Variants in TSPAN33 observed in about 807,000 individuals in gnomAD.
TSPAN33 encodes tetraspanin-33.
In TSPAN33, 27 loss-of-function variants were observed where a neutral mutation model predicts 34.8. The ratio of observed to expected loss-of-function variants is 0.78; its 90% CI spans 0.57 to 1.07. The LOEUF (loss-of-function observed/expected upper bound fraction) is 1.07. Among genes scored for constraint, TSPAN33 ranks in the 50% least tolerant of loss-of-function variants. TSPAN33 has a pLI of 0.00. For synonymous variants in TSPAN33, 119 were observed against 124.2 expected, an observed-to-expected ratio of 0.96 and a Z score of 0.28; for missense variants, 272 against 324.9, an observed-to-expected ratio of 0.84 and a Z score of 1.25.
At chr7:129,160,402 A>G (rs954936695) in intron 1 of TSPAN33, among the ~76,000 whole-genome samples, 5 of 152,138 alleles carry the variant, frequency 3.3e-5, no homozygotes, top group Non-Finnish European at 7.3e-5. Flanking sequence ...TTGCCATGGC[A>G]ACAGCCAGCT....
chr7:129,149,280 G>A (rs907511711), intron 1 of TSPAN33, among the ~76,000 whole-genome samples: 1 of 152,182 alleles, frequency 6.6e-6, no homozygotes, highest in Non-Finnish European at 1.5e-5. Flanking sequence ...AAAGAAGGCT[G>A]GGCGCGGTGG....
In TSPAN33 at chr7:129,162,487, G is replaced by C. The variant is rs1793068516; in HGVS notation, c.254G>C (p.Gly85Ala). ...CTGCTCACCTTCTGTGGCTGCATTG[G>C]GTCCCTCCGCGAGAACATCTGCCTC... ...MFLLTFCGCI[G>A]SLRENICLLQ... Residue 85 changes from glycine to alanine, a missense_variant, in exon 3 of 8, where the codon GGG becomes GCG. Coordinates refer to ENST00000486685, the MANE Select transcript of TSPAN33 (RefSeq NM_178562.5). The C allele has an allele frequency of 1.5e-5, 25 of 1,613,766 alleles. No homozygotes were observed. The highest frequency in any genetic ancestry group is 2.1e-5 in the Non-Finnish European group (25 of 1,180,038).
chr7:129,155,817 G>A (rs1028942723), intron 1 of TSPAN33, among the ~76,000 whole-genome samples: 3 of 151,974 alleles, frequency 2.0e-5, no homozygotes, highest in African/African-American at 7.3e-5. Flanking sequence ...AACCTCCTGG[G>A]GTCAAGCGAT....
At position 129,165,260 on chromosome 7, in the gene TSPAN33, AAAC is replaced by A. The variant is rs1563139217; in HGVS notation, c.459+693_459+695del. Among the ~76,000 whole-genome samples the A allele has an allele frequency of 1.3e-5, 2 of 152,206 alleles. No individual in the cohort carries two copies. Among genetic ancestry groups the A allele is most frequent in the Admixed American group, 1.3e-4 (2 of 15,280 alleles). On this transcript the variant is annotated intron_variant, in intron 5 of 7. Coordinates refer to ENST00000486685, the MANE Select transcript of TSPAN33 (RefSeq NM_178562.5). The surrounding 1 kb of genome is among the most constrained non-coding windows in gnomAD (Gnocchi z 4.5). Reference sequence around the variant, plus strand: ...CCTCTCTTGAAACTTTGTATCCATTAAACACTAACTCCCCATTTTCCTCTCCTG... The same window carrying A: ...CCTCTCTTGAAACTTTGTATCCATTAACTAACTCCCCATTTTCCTCTCCTG...
rs887154440 is a variant in TSPAN33 at position 129,166,787 on chromosome 7, T to C, written c.469T>C (p.Cys157Arg). 9 of 1,614,144 alleles carry C rather than the reference T, an allele frequency of 5.6e-6. No individual in the cohort carries two copies. Among genetic ancestry groups the C allele is most frequent in the Admixed American group, 5.0e-5 (3 of 60,018 alleles). The change falls in exon 6 of 8, where the codon TGT becomes CGT. Residue 157 changes from cysteine (C) to arginine (R), a missense_variant. Coordinates refer to ENST00000486685, the MANE Select transcript of TSPAN33 (RefSeq NM_178562.5). ...IDFGQKKFSC[C>R]GGISYKDWSQ... ...GTGGGTTTTGTTGCAGTTTAGCTGCTGTGGAGGGATTTCCTACAAGGACTG... is the reference window on the plus strand; with the variant it reads ...GTGGGTTTTGTTGCAGTTTAGCTGCCGTGGAGGGATTTCCTACAAGGACTG...
At chr7:129,149,433 C>A (rs891762942) in intron 1 of TSPAN33, among the ~76,000 whole-genome samples, 4 of 152,122 alleles carry the variant, frequency 2.6e-5, no homozygotes, top group African/African-American at 7.2e-5. Context: ...TGGTGCACAC[C>A]TGTATTCCCA....
intron 1 of TSPAN33, among the ~76,000 whole-genome samples, chr7:129,158,814 G>A (rs557270992): frequency 5.3e-5 from 8 of 152,268 alleles, no homozygotes; most frequent in Admixed American, 4.6e-4. Flanking sequence ...GCAGTGGCAC[G>A]TTCTCAGCTC....
rs559053797 is a variant in TSPAN33, at chr7:129,144,956, C to A, written c.-25C>A. 7 of 585,814 alleles carry A rather than the reference C, an allele frequency of 1.2e-5. No homozygotes were observed. Among genetic ancestry groups the A allele is most frequent in the Non-Finnish European group, 2.1e-5 (7 of 325,614 alleles). 36.3% of individuals were successfully genotyped at this position (585,814 alleles called of 1,614,324 possible). A position where few individuals can be genotyped will look rare whatever the true frequency, so the allele number is the denominator to read the frequency against. On this transcript the variant is annotated 5_prime_UTR_variant, in exon 1 of 8. Coordinates refer to ENST00000486685, the MANE Select transcript of TSPAN33 (RefSeq NM_178562.5). The stretch of plus-strand genomic sequence containing the variant: ...CGGCAGCCGCTGGGAAATAGGCCCC[C>A]GGGGGCGGTGGCGGCGGCGGGGCCA...
chr7:129,151,091 T>G (rs1178571022), intron 1 of TSPAN33, among the ~76,000 whole-genome samples: 5 of 152,148 alleles, frequency 3.3e-5, no homozygotes, highest in Non-Finnish European at 7.4e-5. Flanking sequence ...TCACACCACC[T>G]TGGCCTTTTA....
Position 129,167,737 on chromosome 7 carries a change from A to T in TSPAN33, c.751-36A>T, listed in dbSNP as rs1355826904. 6.2e-7 allele frequency: 1 copy of T among 1,606,942 alleles called. No homozygotes were observed. Among genetic ancestry groups the T allele is most frequent in the African/African-American group, 1.3e-5 (1 of 74,788 alleles). On this transcript the variant is annotated intron_variant, in intron 7 of 7. Coordinates refer to ENST00000486685, the MANE Select transcript of TSPAN33 (RefSeq NM_178562.5). This position sits in a 1 kb window ranked among gnomAD's most constrained non-coding sequence, Gnocchi z 4.6. ...GCCAGGGAAAACAAGGCCATCACTC[A>T]CTGCTGAGTGCCCAATTCCTTCTTG...
rs1793191310 is a variant in TSPAN33, at chr7:129,169,202, C to G, written c.*1328C>G. Among the ~76,000 whole-genome samples the G allele has an allele frequency of 6.6e-6, 1 of 152,214 alleles. No homozygotes were observed. The highest frequency in any genetic ancestry group is 2.4e-5 in the African/African-American group (1 of 41,452). ...GGAAGAAGGCCCTCTCTTCCCCTAC[C>G]CGGGCCCTCCAGGACCTTCTCCCTG... On this transcript the variant is annotated 3_prime_UTR_variant, in exon 8 of 8. Transcript: ENST00000486685.
In TSPAN33 at chr7:129,169,313, G is replaced by T. The variant is rs935384635; in HGVS notation, c.*1439G>T. ...GGGAGGAGCGCGCGAGGCAGGCGGGGCGGGCGCGTCCGGGGCGGGGCGCTG... is the reference window on the plus strand; with the variant it reads ...GGGAGGAGCGCGCGAGGCAGGCGGGTCGGGCGCGTCCGGGGCGGGGCGCTG... On this transcript the variant is annotated 3_prime_UTR_variant, in exon 8 of 8. Coordinates refer to ENST00000486685, the MANE Select transcript of TSPAN33 (RefSeq NM_178562.5). 6.6e-6 allele frequency: 1 copy of T among 152,286 alleles called. No individual in the cohort carries two copies. The highest frequency in any genetic ancestry group is 6.5e-5 in the Admixed American group (1 of 15,280). The allele number at this position is 152,286 out of a possible 1,614,324, so 9.4% of individuals were successfully genotyped here.
At chr7:129,163,833 C>T (rs1277329969) in intron 4 of TSPAN33, among the ~76,000 whole-genome samples, 1 of 152,022 alleles carries the variant, frequency 6.6e-6, no homozygotes, top group East Asian at 1.9e-4. Context: ...AGCCAGGTGT[C>T]AGGAGGCTGA....
At position 129,157,733 on chromosome 7, in the gene TSPAN33, T is replaced by C. The variant is rs188102153; in HGVS notation, c.103-3946T>C. Among the ~76,000 whole-genome samples the C allele has an allele frequency of 1.4e-3, 206 of 152,318 alleles. 1 individual carries two copies. The highest frequency in any genetic ancestry group is 4.8e-3 in the African/African-American group (198 of 41,566). ...CAGGCGATTCTAATGGCAGCCAAAGTTGAGCATGTGCTTTCAGCTATAAAC... is the reference window on the plus strand; with the variant it reads ...CAGGCGATTCTAATGGCAGCCAAAGCTGAGCATGTGCTTTCAGCTATAAAC... On this transcript the variant is annotated intron_variant, in intron 1 of 7. Transcript: ENST00000486685.
At chr7:129,166,622 TG>T (rs2150629025) in intron 5 of TSPAN33, 155 bp from the exon 6 acceptor site, 1 of 788,294 alleles carries the variant, frequency 1.3e-6, no homozygotes, top group Non-Finnish European at 2.0e-6. Context: ...CGAAGGCAAC[TG>T]GGAAGCTGGA....
rs778228662 is a variant in TSPAN33 at position 129,161,691 on chromosome 7, G to A, written c.115G>A (p.Val39Met). The change falls in exon 2 of 8, where the codon GTG (valine) becomes ATG (methionine). Residue 39 changes from valine to methionine, a missense_variant. Transcript: ENST00000486685. Reference protein sequence around the residue: ...FNMLFWVISMVMVAVGVYARL... With the variant: ...FNMLFWVISMMMVAVGVYARL... ...CCTGTCTCCACAGGTGATTTCCATGGTGATGGTGGCTGTGGGTGTCTACGC... is the reference window on the plus strand; with the variant it reads ...CCTGTCTCCACAGGTGATTTCCATGATGATGGTGGCTGTGGGTGTCTACGC... 1 of 1,614,146 alleles carries A rather than the reference G, an allele frequency of 6.2e-7. No individual in the cohort carries two copies. Among genetic ancestry groups the A allele is most frequent in the South Asian group, 1.1e-5 (1 of 91,078 alleles).
At chr7:129,159,700 CTG>C (rs1793020671) in intron 1 of TSPAN33, among the ~76,000 whole-genome samples, 1 of 152,218 alleles carries the variant, frequency 6.6e-6, no homozygotes, top group Non-Finnish European at 1.5e-5. Context: ...ACTGGCATCT[CTG>C]TCATGTAGTT....
intron 3 of TSPAN33, 21 bp downstream of exon 3, chr7:129,162,542 T>C: frequency 6.2e-7 from 1 of 1,610,040 alleles, no homozygotes; most frequent in African/African-American, 1.3e-5. Flanking sequence ...AAGGCCCCAC[T>C]GGAAAGACCC....
intron 1 of TSPAN33, among the ~76,000 whole-genome samples, chr7:129,147,752 G>A (rs1810540568): frequency 6.6e-6 from 1 of 152,198 alleles, no homozygotes; most frequent in African/African-American, 2.4e-5. Context: ...CACTAGGAAG[G>A]TGTCCGGCAT....
Sources: gnomAD v4.1 joint callset for allele counts (sites outside exome capture counted in the v4.1 genomes callset) on GRCh38, gnomAD v4.1.1 for gene constraint, Gnocchi (gnomAD v3.1) non-coding constraint, MANE v1.5 for transcripts, NCBI Gene and HGNC (gene_info 2026-07-23, HGNC 2026-07-21) for gene names.